Variants in TAS2R1 observed in about 807,000 individuals in gnomAD.
TAS2R1 encodes taste 2 receptor member 1, also known as taste receptor type 2 member 1.
For synonymous variants in TAS2R1, 141 were observed against 134.2 expected (o/e 1.05, Z -0.35); for missense variants, 370 against 353.4 (o/e 1.05, Z -0.38).
chr5:9,632,511 C>G (rs917091533), upstream of TAS2R1, among the ~76,000 whole-genome samples: 7 of 152,202 alleles, frequency 4.6e-5, no homozygotes, highest in South Asian at 1.4e-3. Context: ...TGCTGTCTGA[C>G]AGCATTTTAC....
chr5:9,890,899 T>C, the TAS2R1 span, among the ~76,000 whole-genome samples: 1 of 152,220 alleles, frequency 6.6e-6, no homozygotes, highest in Non-Finnish European at 1.5e-5. Context: ...GGAGGTTTGC[T>C]TGGAATCCTG....
the TAS2R1 span, among the ~76,000 whole-genome samples, chr5:9,823,079 TTA>T: frequency 2.7e-5 from 4 of 150,280 alleles, no homozygotes; most frequent in Non-Finnish European, 5.9e-5. Flanking sequence ...TGTCCAGGAC[TTA>T]TGTTTTTCAA....
the TAS2R1 span, among the ~76,000 whole-genome samples, chr5:9,870,930 T>C: frequency 6.6e-6 from 1 of 152,198 alleles, no homozygotes; most frequent in African/African-American, 2.4e-5. Context: ...GTAGTAATTT[T>C]CTCAAAATAG....
the TAS2R1 span, among the ~76,000 whole-genome samples, chr5:9,902,246 G>T: frequency 6.6e-6 from 1 of 152,002 alleles, no homozygotes; most frequent in African/African-American, 2.4e-5. Flanking sequence ...TAATTTAACA[G>T]TATGCTATTG....
At chr5:9,880,103 T>C in the TAS2R1 span, among the ~76,000 whole-genome samples, 1 of 152,160 alleles carries the variant, frequency 6.6e-6, no homozygotes, top group Non-Finnish European at 1.5e-5. Flanking sequence ...TTAAACACTA[T>C]TGTGTTTAAA....
At chr5:9,824,676 G>A in the TAS2R1 span, among the ~76,000 whole-genome samples, 5 of 151,888 alleles carry the variant, frequency 3.3e-5, no homozygotes, top group East Asian at 1.9e-4. Context: ...GTGAAACCCC[G>A]TCTCTACTAA....
chr5:9,781,051 G>A, the TAS2R1 span, among the ~76,000 whole-genome samples: 84 of 152,264 alleles, frequency 5.5e-4, no homozygotes, highest in Middle Eastern at 6.8e-3. Context: ...TATATTTTAT[G>A]TAGGATATAT....
the TAS2R1 span, among the ~76,000 whole-genome samples, chr5:9,795,768 T>C: frequency 6.6e-6 from 1 of 152,222 alleles, no homozygotes; most frequent in Non-Finnish European, 1.5e-5. Context: ...CTGATCCTTG[T>C]GCTCAGAGGA....
At chr5:9,901,720 C>T in the TAS2R1 span, among the ~76,000 whole-genome samples, 4 of 152,202 alleles carry the variant, frequency 2.6e-5, no homozygotes, top group South Asian at 2.1e-4. Context: ...AAGCATGAAG[C>T]GATGTGGATC....
intron 2 of TAS2R1, among the ~76,000 whole-genome samples, chr5:9,653,122 G>A (rs537765243): frequency 1.3e-5 from 2 of 152,182 alleles, no homozygotes; most frequent in East Asian, 1.9e-4. Flanking sequence ...TACGTTTTCC[G>A]AGTGGAATTA....
chr5:9,665,738 G>A (rs552411025), intron 1 of TAS2R1, among the ~76,000 whole-genome samples: 1 of 152,322 alleles, frequency 6.6e-6, no homozygotes, highest in South Asian at 2.1e-4. Flanking sequence ...CTTAATACTC[G>A]AAAAGGGCTT....
upstream of TAS2R1, among the ~76,000 whole-genome samples, chr5:9,714,711 CT>C (rs1233038337): frequency 2.0e-5 from 3 of 152,214 alleles, no homozygotes; most frequent in Admixed American, 6.5e-5. Flanking sequence ...GGGATTCTGG[CT>C]GAAGCTTTAA....
chr5:9,763,289 G>T, the TAS2R1 span, among the ~76,000 whole-genome samples: 1 of 152,184 alleles, frequency 6.6e-6, no homozygotes, highest in East Asian at 1.9e-4. Context: ...TGGATCACAA[G>T]GTCAAGAGAT....
At chr5:9,849,386 T>TA in the TAS2R1 span, among the ~76,000 whole-genome samples, 1 of 152,228 alleles carries the variant, frequency 6.6e-6, no homozygotes, top group Admixed American at 6.5e-5. Flanking sequence ...GCATTGGAAA[T>TA]ACATGAACTC....
chr5:9,785,216 T>C, the TAS2R1 span, among the ~76,000 whole-genome samples: 1 of 152,224 alleles, frequency 6.6e-6, no homozygotes, highest in African/African-American at 2.4e-5. Flanking sequence ...TGCTTCTATT[T>C]ACTCAAATGA....
At chr5:9,678,283 A>T (rs1254393497) in intron 1 of TAS2R1, among the ~76,000 whole-genome samples, 3 of 152,166 alleles carry the variant, frequency 2.0e-5, no homozygotes, top group Admixed American at 1.3e-4. Flanking sequence ...AAGAAACAAC[A>T]GATGCTGGTG....
chr5:9,868,264 C>T, the TAS2R1 span, among the ~76,000 whole-genome samples: 1 of 152,248 alleles, frequency 6.6e-6, no homozygotes, highest in Non-Finnish European at 1.5e-5. Context: ...AGCAGAGATT[C>T]TCCATGAGGG....
the TAS2R1 span, among the ~76,000 whole-genome samples, chr5:9,873,150 T>G: frequency 6.6e-6 from 1 of 152,214 alleles, no homozygotes; most frequent in Non-Finnish European, 1.5e-5. Context: ...GAGGTCCTGG[T>G]GTCTGCATGG....
the TAS2R1 span, among the ~76,000 whole-genome samples, chr5:9,833,136 A>G: frequency 6.6e-6 from 1 of 152,328 alleles, no homozygotes; most frequent in Admixed American, 6.5e-5. Flanking sequence ...TTTATCACAT[A>G]AACAGCAGGG....
Sources: gnomAD v4.1 joint callset for allele counts (sites outside exome capture counted in the v4.1 genomes callset) on GRCh38, gnomAD v4.1.1 for gene constraint, MANE v1.5 for transcripts, NCBI Gene and HGNC (gene_info 2026-07-23, HGNC 2026-07-21) for gene names.